The following AKIRIN2 variants were observed in gnomAD, a reference collection of about 807,000 sequenced individuals.
AKIRIN2 encodes akirin-2.
In AKIRIN2, 6 loss-of-function variants were observed where a neutral mutation model predicts 29.3. That is an observed-to-expected ratio of 0.20 (90% confidence interval 0.11 to 0.40). The LOEUF (loss-of-function observed/expected upper bound fraction) is 0.40. Among genes scored for constraint, AKIRIN2 ranks in the 10% least tolerant of loss-of-function variants. AKIRIN2 has a pLI of 1.00. For synonymous variants in AKIRIN2, 128 were observed against 117.5 expected (o/e 1.09, Z -0.58); for missense variants, 210 against 276.1 (o/e 0.76, Z 1.70).
intron 2 of AKIRIN2, 116 bp downstream of exon 2, chr6:87,681,503 TA>T (rs751618895): frequency 7.9e-6 from 8 of 1,014,726 alleles, no homozygotes; most frequent in Non-Finnish European, 9.7e-6. Context: ...ATTACTTGTA[TA>T]AATGTTTTTT....
Position 87,702,193 on chromosome 6 carries a change from A to T in AKIRIN2, c.-509T>A. 1 of 398,100 alleles carries T rather than the reference A, an allele frequency of 2.5e-6. No homozygotes were observed. Among genetic ancestry groups the T allele is most frequent in the Non-Finnish European group, 4.4e-6 (1 of 225,840 alleles). The allele number at this position is 398,100 out of a possible 1,614,324, so 24.7% of individuals were successfully genotyped here. A position where few individuals can be genotyped will look rare whatever the true frequency, so the allele number is the denominator to read the frequency against. On this transcript the variant is annotated 5_prime_UTR_variant, in exon 1 of 5. It adds an upstream start codon to the 5' untranslated region. Coordinates refer to ENST00000257787, the MANE Select transcript of AKIRIN2 (RefSeq NM_018064.4). ...AGGTAGCTGCCGCAGCAGGAACCCA[A>T]GCGAACACGTCCAACCGCTTCCCCT...
At position 87,701,961 on chromosome 6, in the gene AKIRIN2, C is replaced by T; in HGVS notation, c.-277G>A. On this transcript the variant is annotated 5_prime_UTR_variant, in exon 1 of 5. Coordinates refer to ENST00000257787, the MANE Select transcript of AKIRIN2 (RefSeq NM_018064.4). ...TCGCGTCAGGGGGGTTCTTCCGCCT[C>T]CTCAGGCGCGGCTCCCCCGAGAGAG... 5.0e-6 allele frequency: 2 copies of T among 399,284 alleles called. No homozygotes were observed. Among genetic ancestry groups the T allele is most frequent in the Non-Finnish European group, 8.8e-6 (2 of 226,454 alleles). The allele number at this position is 399,284 out of a possible 1,614,324, so 24.7% of individuals were successfully genotyped here.
intron 1 of AKIRIN2, among the ~76,000 whole-genome samples, chr6:87,691,003 C>T (rs985312349): frequency 3.3e-5 from 5 of 151,924 alleles, no homozygotes; most frequent in African/African-American, 1.2e-4. Flanking sequence ...CCTCTCACAC[C>T]ATAAGACACT....
intron 1 of AKIRIN2, 94 bp downstream of exon 1, chr6:87,701,356 C>T: frequency 7.5e-7 from 1 of 1,334,300 alleles, no homozygotes. Flanking sequence ...ACCACACAGT[C>T]CGGCACCCCC....
chr6:87,690,435 A>G (rs1416836384), intron 1 of AKIRIN2, among the ~76,000 whole-genome samples: 1 of 152,206 alleles, frequency 6.6e-6, no homozygotes, highest in African/African-American at 2.4e-5. Context: ...CTTTTGGCTA[A>G]GATCAAGTGT....
intron 3 of AKIRIN2, 52 bp from the exon 4 acceptor site, chr6:87,675,983 C>T (rs746457452): frequency 1.3e-6 from 2 of 1,489,292 alleles, no homozygotes; most frequent in Non-Finnish European, 1.9e-6. Flanking sequence ...TTATTAGAGC[C>T]AGATAAACTG....
intron 2 of AKIRIN2, among the ~76,000 whole-genome samples, chr6:87,680,555 G>A (rs1248897138): frequency 6.6e-6 from 1 of 152,024 alleles, no homozygotes; most frequent in Non-Finnish European, 1.5e-5. Context: ...ACAGGCATGA[G>A]CCACCGCGCC....
At chr6:87,682,309 T>C (rs1163827895) in intron 1 of AKIRIN2, among the ~76,000 whole-genome samples, 1 of 152,234 alleles carries the variant, frequency 6.6e-6, no homozygotes, top group Non-Finnish European at 1.5e-5. Flanking sequence ...CCAATTATTT[T>C]AAGCTCAATA....
chr6:87,701,675 C>T lies in AKIRIN2; in HGVS notation c.10G>A (p.Gly4Arg). The change falls in exon 1 of 5, where the codon GGA becomes AGA. Residue 4 changes from glycine (G) to arginine (R), a missense_variant. Gly to Arg is a moderately radical substitution (Grantham distance 125, BLOSUM62 -2). Transcript: ENST00000257787. ...TCCAGAGTCCTTTTCAGAGTGGCTCCGCACGCCATGGCCGGGGGCAGCTGA... is the reference window on the plus strand; with the variant it reads ...TCCAGAGTCCTTTTCAGAGTGGCTCTGCACGCCATGGCCGGGGGCAGCTGA... MACGATLKRTLDFD... is the reference protein window; with the variant it reads MACRATLKRTLDFD... The T allele has an allele frequency of 6.9e-7, 1 of 1,453,774 alleles. No homozygotes were observed. The highest frequency in any genetic ancestry group is 2.7e-5 in the East Asian group (1 of 36,488). The allele number at this position is 1,453,774 out of a possible 1,614,324, so 90.1% of individuals were successfully genotyped here.
chr6:87,681,228 G>A (rs1047030161), intron 2 of AKIRIN2, among the ~76,000 whole-genome samples: 1 of 152,176 alleles, frequency 6.6e-6, no homozygotes. Flanking sequence ...AGTAGAGACA[G>A]AGTTTTGCCA....
In AKIRIN2 at chr6:87,693,465, C is replaced by T. The variant is rs187176401; in HGVS notation, c.235+7985G>A. Among the ~76,000 whole-genome samples, 772 of 152,240 alleles carry T rather than the reference C, an allele frequency of 5.1e-3. 2 individuals are homozygous for T. Among genetic ancestry groups the T allele is most frequent in the Middle Eastern group, 0.021 (6 of 292 alleles). ...TAAGAAATGGCCGGGCGCGGTGGCTCACGCCTGTAATCCCAGCACTGTGGC... is the reference window on the plus strand; with the variant it reads ...TAAGAAATGGCCGGGCGCGGTGGCTTACGCCTGTAATCCCAGCACTGTGGC... On this transcript the variant is annotated intron_variant, in intron 1 of 4. Coordinates refer to ENST00000257787, the MANE Select transcript of AKIRIN2 (RefSeq NM_018064.4).
chr6:87,690,221 C>CA (rs111319664), intron 1 of AKIRIN2, among the ~76,000 whole-genome samples: 54 of 148,706 alleles, frequency 3.6e-4, no homozygotes, highest in African/African-American at 1.3e-3. Context: ...AAAAAAAAAC[C>CA]AAAAAAACAA....
intron 1 of AKIRIN2, among the ~76,000 whole-genome samples, chr6:87,698,532 G>A (rs1053011325): frequency 1.3e-5 from 2 of 152,080 alleles, no homozygotes; most frequent in African/African-American, 4.8e-5. Context: ...TTAGCTCTCA[G>A]GCTACACAAA....
At chr6:87,686,304 A>G (rs977157050) in intron 1 of AKIRIN2, among the ~76,000 whole-genome samples, 2 of 152,170 alleles carry the variant, frequency 1.3e-5, no homozygotes, top group Admixed American at 6.6e-5. Flanking sequence ...GACACCATGA[A>G]TAAGGTCAAC....
At chr6:87,680,223 T>A in intron 2 of AKIRIN2, among the ~76,000 whole-genome samples, 1 of 152,262 alleles carries the variant, frequency 6.6e-6, no homozygotes, top group African/African-American at 2.4e-5. Context: ...TGGCAGTATT[T>A]AGTTTTGAAC....
At chr6:87,695,887 G>GA (rs151077971) in intron 1 of AKIRIN2, among the ~76,000 whole-genome samples, 46,098 of 152,034 alleles carry the variant, frequency 0.3, 7,213 homozygotes, top group Admixed American at 0.4. Context: ...ACACTTAGCA[G>GA]AAAAAACCTG....
Position 87,701,992 on chromosome 6 carries a change from G to C in AKIRIN2, c.-308C>G. On this transcript the variant is annotated 5_prime_UTR_variant, in exon 1 of 5. Transcript: ENST00000257787. ...GCGCGGCTCCCCCGAGAGAGGCTCCGGCCGCCCCCGCCGTCCGCTCGAGCT... is the reference window on the plus strand; with the variant it reads ...GCGCGGCTCCCCCGAGAGAGGCTCCCGCCGCCCCCGCCGTCCGCTCGAGCT... The C allele has an allele frequency of 2.5e-6, 1 of 402,584 alleles. No homozygotes were observed. The highest frequency in any genetic ancestry group is 4.4e-6 in the Non-Finnish European group (1 of 228,146). 24.9% of individuals were successfully genotyped at this position (402,584 alleles called of 1,614,324 possible). A position where few individuals can be genotyped will look rare whatever the true frequency, so the allele number is the denominator to read the frequency against.
chr6:87,677,930 T>C lies in AKIRIN2; in HGVS notation c.417A>G (p.Glu139=), dbSNP rs756727115. The change falls in exon 3 of 5, where the codon GAA becomes GAG. Residue 139 remains glutamate (E), a synonymous_variant. Transcript: ENST00000257787. Reference sequence around the variant, plus strand: ...CCTGCCGTAGAGTAAATAAGGGCTGTTCTTTTTTTAATGGTGAGGATGCTG... The same window carrying C: ...CCTGCCGTAGAGTAAATAAGGGCTGCTCTTTTTTTAATGGTGAGGATGCTG... ...SSAASSPLKK[E]QPLFTLRQVG... The C allele has an allele frequency of 1.2e-5, 20 of 1,614,100 alleles. No homozygotes were observed. The highest frequency in any genetic ancestry group is 1.6e-5 in the Non-Finnish European group (19 of 1,180,000).
intron 1 of AKIRIN2, among the ~76,000 whole-genome samples, chr6:87,683,163 G>C (rs1771142839): frequency 1.3e-5 from 2 of 152,032 alleles, no homozygotes; most frequent in Admixed American, 1.3e-4. Context: ...AAAGTGGCAA[G>C]ACATATCCAG....
Sources: allele counts gnomAD v4.1 joint callset (sites outside exome capture counted in the v4.1 genomes callset), GRCh38; gene constraint gnomAD v4.1.1; transcripts MANE v1.5; gene names NCBI Gene and HGNC (gene_info 2026-07-23, HGNC 2026-07-21).